The following SNX9 variants were observed in gnomAD, a reference collection of about 807,000 sequenced individuals.
SNX9 encodes sorting nexin-9.
A neutral mutation model predicts 89.4 loss-of-function variants in SNX9; 44 were observed. The observed-to-expected ratio is 0.49, with a 90% CI of 0.39 to 0.63. SNX9 has a LOEUF of 0.63. Ranked by LOEUF, SNX9 falls within the 30% of genes least tolerant of loss-of-function variation. The pLI is 0.00. For synonymous variants in SNX9, 236 were observed against 247.8 expected (o/e 0.95, Z 0.45); for missense variants, 578 against 736.1 (o/e 0.79, Z 2.49).
rs1254506567 is a variant in SNX9 at position 157,862,466 on chromosome 6, ATTCT to A, written c.13-5077_13-5074del. Among the ~76,000 whole-genome samples the A allele has an allele frequency of 4.6e-5, 7 of 152,212 alleles. No individual in the cohort carries two copies. In the South Asian group the frequency reaches 1.2e-3, roughly 27 times the overall value. Reference sequence around the variant, plus strand: ...CTTCACTTCTCGAGGGTGTCAAATCATTCTTTCCCTGGAATTTCTGAAGATTTAC... The same window carrying A: ...CTTCACTTCTCGAGGGTGTCAAATCATTCCCTGGAATTTCTGAAGATTTAC... On this transcript the variant is annotated intron_variant, in intron 1 of 17. Transcript: ENST00000392185.
At chr6:157,920,855 A>G (rs1459037642) in intron 9 of SNX9, among the ~76,000 whole-genome samples, 2 of 152,212 alleles carry the variant, frequency 1.3e-5, no homozygotes, top group Non-Finnish European at 2.9e-5. Context: ...TTAAAACAGA[A>G]AGGACCACTC....
chr6:157,897,237 C>T (rs1007495691), intron 5 of SNX9, among the ~76,000 whole-genome samples: 1 of 152,202 alleles, frequency 6.6e-6, no homozygotes, highest in African/African-American at 2.4e-5. Context: ...TCCCACCACT[C>T]CCACCTTGGG....
chr6:157,935,047 T>C (rs1284168185), intron 13 of SNX9, among the ~76,000 whole-genome samples: 3 of 152,254 alleles, frequency 2.0e-5, no homozygotes, highest in Non-Finnish European at 4.4e-5. Flanking sequence ...TCCAGAATTA[T>C]AAAGATGCTT....
intron 9 of SNX9, among the ~76,000 whole-genome samples, chr6:157,917,703 C>T (rs1485580945): frequency 6.6e-6 from 1 of 152,078 alleles, no homozygotes; most frequent in Non-Finnish European, 1.5e-5. Flanking sequence ...TTTAAATCAT[C>T]TCTAGATTAA....
At chr6:157,909,430 C>T (rs1039893373) in intron 7 of SNX9, among the ~76,000 whole-genome samples, 1 of 152,194 alleles carries the variant, frequency 6.6e-6, no homozygotes, top group Admixed American at 6.5e-5. Flanking sequence ...TGTCTCCTCT[C>T]CATGGGCTGA....
chr6:157,902,589 C>T (rs1050184935), intron 6 of SNX9, among the ~76,000 whole-genome samples: 6 of 152,172 alleles, frequency 3.9e-5, no homozygotes, highest in African/African-American at 7.2e-5. Flanking sequence ...GTTTCAGCTC[C>T]TGTGCCTAAA....
chr6:157,894,106 C>CTTTTCTTTTTTTTTTTT (rs1484938597), intron 4 of SNX9, among the ~76,000 whole-genome samples: 1 of 89,564 alleles, frequency 1.1e-5, no homozygotes, highest in African/African-American at 4.6e-5. Context: ...CTTTTCTTTT[C>CTTTTCTTTTTTTTTTTT]TTTTTTTTTT....
intron 7 of SNX9, among the ~76,000 whole-genome samples, chr6:157,908,377 T>TC (rs1783262867): frequency 6.6e-6 from 1 of 152,366 alleles, no homozygotes; most frequent in South Asian, 2.1e-4. Context: ...TTCATTCTCT[T>TC]CTTGGATTAT....
chr6:157,868,138 A>G (rs1401849889), intron 2 of SNX9, among the ~76,000 whole-genome samples: 5 of 152,212 alleles, frequency 3.3e-5, no homozygotes, highest in South Asian at 2.1e-4. Context: ...CCAGAAAGCA[A>G]TATACTTAGA....
chr6:157,883,905 T>TC (rs1418484518), intron 4 of SNX9, among the ~76,000 whole-genome samples: 1 of 152,262 alleles, frequency 6.6e-6, no homozygotes, highest in African/African-American at 2.4e-5. Context: ...AAAGAATTTA[T>TC]CTTTTTTTCT....
rs1412968552 is a variant in SNX9, at chr6:157,944,823, C to T, written c.*1985C>T. On this transcript the variant is annotated 3_prime_UTR_variant, in exon 18 of 18. Coordinates refer to ENST00000392185, the MANE Select transcript of SNX9 (RefSeq NM_016224.5). ...GGGGGAAATGGAGATGGCACGGGCT[C>T]CTCAGAGCGTGGTAGCCGACTGTGA... The T allele has an allele frequency of 6.6e-6, 1 of 152,186 alleles. No individual in the cohort carries two copies. The highest frequency in any genetic ancestry group is 1.5e-5 in the Non-Finnish European group (1 of 68,048). 9.4% of individuals were successfully genotyped at this position (152,186 alleles called of 1,614,324 possible).
At chr6:157,907,721 G>A (rs2115176680) in intron 7 of SNX9, among the ~76,000 whole-genome samples, 1 of 152,344 alleles carries the variant, frequency 6.6e-6, no homozygotes, top group South Asian at 2.1e-4. Flanking sequence ...GCCTGTGTGG[G>A]CGTCTATACA....
rs761592456 is a variant in SNX9, at chr6:157,927,718, CTTTTTTTTTTTTTT to C, written c.1184+517_1184+530del. On this transcript the variant is annotated intron_variant, in intron 11 of 17. Transcript: ENST00000392185. ...AATTTGCGTGGTTTTTAATTTTAAG[CTTTTTTTTTTTTTT>C]TTTTTTTTTTTTGAGACGGAGTCTT... is the stretch of plus-strand genomic sequence containing the variant. 4.1e-5 allele frequency among the ~76,000 whole-genome samples: 4 copies of C among 98,762 alleles called. No individual in the cohort carries two copies. The Admixed American group carries it at 4.3e-4, about 11-fold the overall frequency. The allele number at this position is 98,762 out of a possible 152,430, so 64.8% of individuals were successfully genotyped here. A position where few individuals can be genotyped will look rare whatever the true frequency, so the allele number is the denominator to read the frequency against.
chr6:157,905,166 A>G (rs2490565), intron 6 of SNX9, among the ~76,000 whole-genome samples: 7,933 of 152,220 alleles, frequency 0.052, 276 homozygotes, highest in Non-Finnish European at 0.073. Context: ...CTCTTGTGTA[A>G]GCTGCGTTTT....
intron 1 of SNX9, among the ~76,000 whole-genome samples, chr6:157,865,570 T>C (rs1034542563): frequency 6.6e-5 from 10 of 152,194 alleles, no homozygotes; most frequent in South Asian, 2.1e-4. Context: ...TTCCCACCAT[T>C]TGTTTCTTCC....
At chr6:157,915,260 G>GT (rs894067481) in intron 9 of SNX9, among the ~76,000 whole-genome samples, 2 of 151,978 alleles carry the variant, frequency 1.3e-5, no homozygotes, top group African/African-American at 4.8e-5. Context: ...TTACAAAATT[G>GT]TTTTGGCTAT....
intron 1 of SNX9, among the ~76,000 whole-genome samples, chr6:157,852,586 TTTG>T (rs1304629949): frequency 1.5e-5 from 2 of 137,382 alleles, no homozygotes; most frequent in Admixed American, 7.1e-5. Flanking sequence ...ACTTTTTTGT[TTTG>T]TTTTTTTGAG....
chr6:157,894,255 G>A (rs540044196), intron 4 of SNX9, among the ~76,000 whole-genome samples: 18 of 148,516 alleles, frequency 1.2e-4, no homozygotes, highest in East Asian at 7.9e-4. Context: ...GATTACAGGC[G>A]CCCACCACTA....
At chr6:157,926,157 G>A (rs766083106) in intron 10 of SNX9, among the ~76,000 whole-genome samples, 16 of 152,146 alleles carry the variant, frequency 1.1e-4, no homozygotes, top group African/African-American at 2.2e-4. Flanking sequence ...TCAAACCATA[G>A]CAGAAAAGCA....
Sources: allele counts gnomAD v4.1 joint callset (sites outside exome capture counted in the v4.1 genomes callset), GRCh38; gene constraint gnomAD v4.1.1; transcripts MANE v1.5; gene names NCBI Gene and HGNC (gene_info 2026-07-23, HGNC 2026-07-21).